Variants in FRMD4A observed in about 807,000 individuals in gnomAD.
The protein encoded by FRMD4A is FERM domain containing 4A, also known as FERM domain-containing protein 4A.
Under a neutral mutation model 129.1 loss-of-function variants are expected in FRMD4A, and 29 were observed. That is an observed-to-expected ratio of 0.22 (90% CI 0.17 to 0.31). The LOEUF (loss-of-function observed/expected upper bound fraction) is 0.31. FRMD4A is among the 10% of genes least tolerant of loss of function. The pLI, the probability that FRMD4A is intolerant of heterozygous loss-of-function variation, is 1.00. For synonymous variants in FRMD4A, 634 were observed against 571.6 expected (o/e 1.11, Z -1.56); for missense variants, 1,272 against 1,375.8 (o/e 0.92, Z 1.19).
chr10:13,910,005 C>A (rs938540951), intron 2 of FRMD4A, among the ~76,000 whole-genome samples: 7 of 152,198 alleles, frequency 4.6e-5, no homozygotes, highest in African/African-American at 1.4e-4. Context: ...TTAATACATT[C>A]TTGGACAGCC....
rs55649566 is a variant in FRMD4A at position 14,126,169 on chromosome 10, C to CTTTTTT, written c.45+203883_45+203888dup. ...CTCACCCATCACAAAACCTTGCCCA[C>CTTTTTT]TTTTTTTTTTTTTTTTTTTGAGATG... On this transcript the variant is annotated intron_variant, in intron 2 of 24. Coordinates refer to ENST00000357447, the MANE Select transcript of FRMD4A (RefSeq NM_018027.5). 2.1e-4 allele frequency among the ~76,000 whole-genome samples: 26 copies of CTTTTTT among 122,370 alleles called. 1 individual carries two copies. Among genetic ancestry groups the CTTTTTT allele is most frequent in the African/African-American group, 4.0e-4 (13 of 32,180 alleles). 80.3% of individuals were successfully genotyped at this position (122,370 alleles called of 152,430 possible).
chr10:14,303,624 G>A (rs898398493), intron 2 of FRMD4A, among the ~76,000 whole-genome samples: 10 of 152,154 alleles, frequency 6.6e-5, no homozygotes, highest in African/African-American at 2.4e-4. Context: ...TGCAGGACTC[G>A]GGAAGCAGGA....
rs569872401 is a variant in FRMD4A, at chr10:13,803,996, C to T, written c.206+6818G>A. 3.3e-5 allele frequency among the ~76,000 whole-genome samples: 5 copies of T among 152,322 alleles called. No homozygotes were observed. The South Asian group carries it at 6.2e-4, about 19-fold the overall frequency. ...GCATCCCTAAGCTTTCCTTGGAGGG[C>T]ACCGTTCTTTTTGTTTATCTTAGCT... On this transcript the variant is annotated intron_variant, in intron 4 of 24. Coordinates refer to ENST00000357447, the MANE Select transcript of FRMD4A (RefSeq NM_018027.5).
intron 2 of FRMD4A, among the ~76,000 whole-genome samples, chr10:14,012,617 G>A (rs1009337006): frequency 5.3e-5 from 8 of 152,176 alleles, no homozygotes; most frequent in Non-Finnish European, 1.2e-4. Context: ...ACGGTCACAG[G>A]AGCAGACTCA....
At chr10:14,078,949 A>G (rs1436725693) in intron 2 of FRMD4A, among the ~76,000 whole-genome samples, 3 of 152,212 alleles carry the variant, frequency 2.0e-5, no homozygotes, top group African/African-American at 4.8e-5. Flanking sequence ...GAAAAGGGAA[A>G]CAGGACTAAC....
chr10:14,003,006 T>C (rs2095648127), intron 2 of FRMD4A, among the ~76,000 whole-genome samples: 2 of 152,050 alleles, frequency 1.3e-5, no homozygotes, highest in African/African-American at 4.8e-5. Context: ...GGAAAGGCCT[T>C]GTGATTTGTC....
At chr10:13,847,359 G>A (rs369760716) in intron 3 of FRMD4A, among the ~76,000 whole-genome samples, 68 of 152,346 alleles carry the variant, frequency 4.5e-4, no homozygotes, top group African/African-American at 1.5e-3. Flanking sequence ...ATTCAAGGGC[G>A]ATAGGGAAGG....
At chr10:14,043,714 T>C (rs1026187990) in intron 2 of FRMD4A, among the ~76,000 whole-genome samples, 1 of 152,214 alleles carries the variant, frequency 6.6e-6, no homozygotes, top group African/African-American at 2.4e-5. Context: ...AGCATTACAA[T>C]AGAAGACACA....
At chr10:14,197,456 GT>G (rs1564380252) in intron 2 of FRMD4A, among the ~76,000 whole-genome samples, 1 of 152,178 alleles carries the variant, frequency 6.6e-6, no homozygotes, top group African/African-American at 2.4e-5. Context: ...CTCCTCCCGT[GT>G]TCAAGCAATT....
intron 2 of FRMD4A, among the ~76,000 whole-genome samples, chr10:14,102,763 A>G (rs1837373764): frequency 3.2e-5 from 1 of 30,870 alleles, no homozygotes; most frequent in South Asian, 2.8e-3. Flanking sequence ...AGTCTTGAAG[A>G]TAGTGAGAAA....
At chr10:13,928,560 T>C (rs1452551071) in intron 2 of FRMD4A, among the ~76,000 whole-genome samples, 2 of 152,140 alleles carry the variant, frequency 1.3e-5, no homozygotes, top group African/African-American at 4.8e-5. Context: ...TAGCAGTTGG[T>C]TTTTTAACTT....
intron 2 of FRMD4A, among the ~76,000 whole-genome samples, chr10:14,126,478 C>T (rs189299599): frequency 6.6e-6 from 1 of 152,182 alleles, no homozygotes; most frequent in East Asian, 1.9e-4. Context: ...CTGCCTTGCC[C>T]ACTTTTACCT....
At chr10:14,238,226 G>A (rs537753368) in intron 2 of FRMD4A, among the ~76,000 whole-genome samples, 3 of 152,298 alleles carry the variant, frequency 2.0e-5, no homozygotes, top group African/African-American at 7.2e-5. Context: ...TAATAATTCT[G>A]CAAGGTGGAT....
At chr10:14,011,538 A>G (rs1379572845) in intron 2 of FRMD4A, among the ~76,000 whole-genome samples, 2 of 152,136 alleles carry the variant, frequency 1.3e-5, no homozygotes, top group Non-Finnish European at 2.9e-5. Context: ...CTGCCTTCCA[A>G]TCTCCTGGCA....
chr10:13,917,599 T>C (rs1395880815), intron 2 of FRMD4A, among the ~76,000 whole-genome samples: 1 of 152,174 alleles, frequency 6.6e-6, no homozygotes, highest in Non-Finnish European at 1.5e-5. Context: ...CCACAGATTT[T>C]ATTTAATAAT....
At chr10:14,022,724 G>A (rs73591240) in intron 2 of FRMD4A, among the ~76,000 whole-genome samples, 2,309 of 152,140 alleles carry the variant, frequency 0.015, 60 homozygotes, top group African/African-American at 0.053. Context: ...GATGCACACT[G>A]GGGCTATGAA....
At chr10:14,065,529 C>A (rs993325285) in intron 2 of FRMD4A, among the ~76,000 whole-genome samples, 1 of 152,036 alleles carries the variant, frequency 6.6e-6, no homozygotes, top group African/African-American at 2.4e-5. Context: ...AGGTAGCATC[C>A]AGGTGGTGGT....
chr10:13,962,810 C>T (rs1024115849), intron 2 of FRMD4A, among the ~76,000 whole-genome samples: 7 of 152,184 alleles, frequency 4.6e-5, no homozygotes, highest in Non-Finnish European at 8.8e-5. Flanking sequence ...ACCCAAATTA[C>T]TGGTGGCTGA....
At chr10:14,224,887 C>T (rs558712306) in intron 2 of FRMD4A, among the ~76,000 whole-genome samples, 7 of 152,186 alleles carry the variant, frequency 4.6e-5, no homozygotes, top group African/African-American at 7.2e-5. Context: ...CAGAGGAAGC[C>T]GTTATTGACC....
Sources: gnomAD v4.1 joint callset for allele counts (sites outside exome capture counted in the v4.1 genomes callset) on GRCh38, gnomAD v4.1.1 for gene constraint, MANE v1.5 for transcripts, NCBI Gene and HGNC (gene_info 2026-07-23, HGNC 2026-07-21) for gene names.